The following MYT1L variants were observed in gnomAD, a reference collection of about 807,000 sequenced individuals.
MYT1L encodes myelin transcription factor 1-like protein.
MYT1L carries 12 observed loss-of-function variants against 126.7 expected under a neutral mutation model. The observed-to-expected ratio is 0.09, with a 90% CI of 0.06 to 0.15. The LOEUF (loss-of-function observed/expected upper bound fraction) is 0.15, where lower values mean the gene tolerates loss of function less well. MYT1L is among the 10% of genes least tolerant of loss of function. The probability of loss-of-function intolerance (pLI) is 1.00; values close to 1 mark genes in which losing one functional copy is unlikely to be tolerated. For missense variants in MYT1L, 979 were observed against 1,585.2 expected, an observed-to-expected ratio of 0.62 and a Z score of 6.49; for synonymous variants, 541 against 604.2, an observed-to-expected ratio of 0.90 and a Z score of 1.53.
chr2:2,119,444 G>A (rs192860048), intron 3 of MYT1L, among the ~76,000 whole-genome samples: 1 of 152,182 alleles, frequency 6.6e-6, no homozygotes, highest in Admixed American at 6.5e-5. Context: ...TTCAGTTTTT[G>A]TGTAATGAAT....
At chr2:2,082,732 G>T (rs562729466) in intron 3 of MYT1L, among the ~76,000 whole-genome samples, 1 of 152,110 alleles carries the variant, frequency 6.6e-6, no homozygotes, top group Non-Finnish European at 1.5e-5. Context: ...TAAACCCTTC[G>T]GAAAACAAGG....
chr2:1,963,761 C>T (rs2059135986), intron 8 of MYT1L, among the ~76,000 whole-genome samples: 1 of 152,234 alleles, frequency 6.6e-6, no homozygotes, highest in African/African-American at 2.4e-5. Flanking sequence ...CTTGCCTTAC[C>T]TTCACAGAAC....
At chr2:2,308,369 A>G (rs958027834) in intron 1 of MYT1L, among the ~76,000 whole-genome samples, 13 of 151,864 alleles carry the variant, frequency 8.6e-5, no homozygotes, top group Non-Finnish European at 1.3e-4. Flanking sequence ...ACATTTCAGT[A>G]TATTGTACCC....
chr2:2,306,212 A>G (rs796138852), intron 1 of MYT1L: 13 of 152,184 alleles, frequency 8.5e-5, no homozygotes, highest in African/African-American at 2.9e-4. Context: ...TTTCAATTCA[A>G]CTTCCACTCT....
At chr2:2,105,248 C>G (rs1193542396) in intron 3 of MYT1L, among the ~76,000 whole-genome samples, 1 of 152,166 alleles carries the variant, frequency 6.6e-6, no homozygotes, top group Admixed American at 6.5e-5. Flanking sequence ...GACACCCCCT[C>G]TCTGTGCTCC....
intron 9 of MYT1L, among the ~76,000 whole-genome samples, chr2:1,936,321 A>G (rs951278034): frequency 6.6e-6 from 1 of 152,234 alleles, no homozygotes; most frequent in African/African-American, 2.4e-5. Context: ...GATAAATTAT[A>G]TTTCTATAAT....
At chr2:1,901,211 G>T (rs535016213) in intron 14 of MYT1L, among the ~76,000 whole-genome samples, 1 of 152,262 alleles carries the variant, frequency 6.6e-6, no homozygotes, top group African/African-American at 2.4e-5. Context: ...TCTCAGGCTG[G>T]AGTCTGACCT....
intron 8 of MYT1L, among the ~76,000 whole-genome samples, chr2:1,970,275 G>A (rs781768462): frequency 6.6e-6 from 1 of 152,114 alleles, no homozygotes; most frequent in Non-Finnish European, 1.5e-5. Context: ...CCAGATAGGG[G>A]ACTCGAAGAG....
rs2070117393 is a variant in MYT1L at position 2,059,578 on chromosome 2, A to G, written c.-303-5455T>C. Among the ~76,000 whole-genome samples, 12 of 152,204 alleles carry G rather than the reference A, an allele frequency of 7.9e-5. No homozygotes were observed. The South Asian group carries it at 2.1e-3, about 26-fold the overall frequency. On this transcript the variant is annotated intron_variant, in intron 3 of 24. Transcript: ENST00000647738. The surrounding 1 kb of genome is among the most constrained non-coding windows in gnomAD (Gnocchi z 4.7). ...CAGTCCCTGCCAAAGGCCTTGCACC[A>G]AAGCACAAACGGACGCAGGACTGCA...
At chr2:1,826,451 G>T (rs565512982) in intron 21 of MYT1L, among the ~76,000 whole-genome samples, 2 of 152,156 alleles carry the variant, frequency 1.3e-5, no homozygotes, top group Admixed American at 6.5e-5. Flanking sequence ...CCTGGTCAGC[G>T]CTGGGCCAGA....
At chr2:1,924,851 G>A (rs1265737467) in intron 9 of MYT1L, among the ~76,000 whole-genome samples, 2 of 152,160 alleles carry the variant, frequency 1.3e-5, no homozygotes, top group African/African-American at 4.8e-5. Context: ...CATTGTGGAA[G>A]TATTAATCTC....
intron 3 of MYT1L, among the ~76,000 whole-genome samples, chr2:2,139,842 A>G (rs1006805462): frequency 1.3e-5 from 2 of 152,130 alleles, no homozygotes; most frequent in African/African-American, 4.8e-5. Context: ...TTCTTTATTA[A>G]AGTTACTCAC....
intron 1 of MYT1L, among the ~76,000 whole-genome samples, chr2:2,316,955 C>T (rs1461231721): frequency 2.0e-5 from 3 of 151,572 alleles, no homozygotes; most frequent in African/African-American, 7.3e-5. Context: ...GAACTACAGG[C>T]ATCCACCACC....
intron 20 of MYT1L, among the ~76,000 whole-genome samples, chr2:1,840,342 G>C (rs1282560932): frequency 2.6e-5 from 4 of 152,134 alleles, no homozygotes; most frequent in African/African-American, 7.2e-5. Flanking sequence ...CCCTGCCTTA[G>C]AGCAAGGCAG....
intron 3 of MYT1L, among the ~76,000 whole-genome samples, chr2:2,117,652 T>C (rs147519064): frequency 1.3e-5 from 2 of 152,310 alleles, no homozygotes; most frequent in African/African-American, 4.8e-5. Flanking sequence ...CCTTATATTC[T>C]AAACAGCATA....
chr2:2,184,050 AAAG>A (rs1461850508), intron 2 of MYT1L, among the ~76,000 whole-genome samples: 2 of 135,678 alleles, frequency 1.5e-5, no homozygotes, highest in African/African-American at 2.6e-5. Context: ...AAAGAAAAAG[AAAG>A]AAAGAAAAAA....
intron 3 of MYT1L, among the ~76,000 whole-genome samples, chr2:2,107,526 A>G (rs1156711065): frequency 6.6e-6 from 1 of 152,216 alleles, no homozygotes; most frequent in African/African-American, 2.4e-5. Context: ...AATCAAGAAT[A>G]GATTCTCAGA....
rs115001155 is a variant in MYT1L, at chr2:1,859,402, T to G, written c.2712-7699A>C. ...ACCCTTATCATAATTTTTTAAAAAT[T>G]TCTTTTTCATGACGCAGATGAGATT... On this transcript the variant is annotated intron_variant, in intron 18 of 24. Transcript: ENST00000647738. 8.0e-3 allele frequency among the ~76,000 whole-genome samples: 1,219 copies of G among 152,292 alleles called. 13 individuals are homozygous for G. Among genetic ancestry groups the G allele is most frequent in the African/African-American group, 0.028 (1,161 of 41,568 alleles).
intron 21 of MYT1L, among the ~76,000 whole-genome samples, chr2:1,838,573 TC>T (rs1316045587): frequency 6.6e-6 from 1 of 152,078 alleles, no homozygotes; most frequent in African/African-American, 2.4e-5. Flanking sequence ...TGGAGACGGG[TC>T]CCATCCCAGG....
Sources: allele counts gnomAD v4.1 joint callset (sites outside exome capture counted in the v4.1 genomes callset), GRCh38; gene constraint gnomAD v4.1.1; non-coding constraint Gnocchi (gnomAD v3.1); transcripts MANE v1.5; gene names NCBI Gene and HGNC (gene_info 2026-07-23, HGNC 2026-07-21).